The following DGCR2 variants were observed in gnomAD, a reference collection of about 807,000 sequenced individuals.
DGCR2 encodes DiGeorge syndrome critical region gene 2.
DGCR2 carries 24 observed loss-of-function variants against 51.6 expected under a neutral mutation model. That is an observed-to-expected ratio of 0.47 (90% confidence interval 0.34 to 0.65). The LOEUF (loss-of-function observed/expected upper bound fraction) is 0.65, where lower values mean the gene tolerates loss of function less well. Among genes scored for constraint, DGCR2 ranks in the 30% least tolerant of loss-of-function variants. The pLI, the probability that DGCR2 is intolerant of heterozygous loss-of-function variation, is 0.01. For synonymous variants in DGCR2, 340 were observed against 315.4 expected, an observed-to-expected ratio of 1.08 and a Z score of -0.82; for missense variants, 765 against 772.1, an observed-to-expected ratio of 0.99 and a Z score of 0.11.
At chr22:19,062,969 G>C (rs899913404) in intron 5 of DGCR2, among the ~76,000 whole-genome samples, 1 of 152,038 alleles carries the variant, frequency 6.6e-6, no homozygotes, top group Non-Finnish European at 1.5e-5. Flanking sequence ...TAGAAAGCTG[G>C]CCAAAGTGAG....
chr22:19,120,047 AG>A (rs1231631830), intron 1 of DGCR2, among the ~76,000 whole-genome samples: 3 of 152,176 alleles, frequency 2.0e-5, no homozygotes, highest in African/African-American at 7.2e-5. Context: ...CAGCACTCTC[AG>A]GAAGGACACA....
intron 1 of DGCR2, among the ~76,000 whole-genome samples, chr22:19,095,145 C>A (rs2083124527): frequency 6.6e-6 from 1 of 151,886 alleles, no homozygotes; most frequent in African/African-American, 2.4e-5. Context: ...AATGGATCAC[C>A]TGAGGTCGGG....
At chr22:19,090,111 T>C (rs62221748) in intron 1 of DGCR2, among the ~76,000 whole-genome samples, 14,316 of 152,234 alleles carry the variant, frequency 0.094, 745 homozygotes, top group Middle Eastern at 0.15. Context: ...TTAGATTTTG[T>C]AGTAGAAAAG....
At chr22:19,115,952 T>C (rs1021335609) in intron 1 of DGCR2, among the ~76,000 whole-genome samples, 8 of 152,250 alleles carry the variant, frequency 5.3e-5, no homozygotes, top group African/African-American at 7.2e-5. Context: ...ACACTAACAT[T>C]TTGCCTGATG....
At chr22:19,062,557 G>T (rs957337476) in intron 5 of DGCR2, among the ~76,000 whole-genome samples, 8 of 152,254 alleles carry the variant, frequency 5.3e-5, no homozygotes, top group Middle Eastern at 3.4e-3. Flanking sequence ...GACAGGGAAG[G>T]GGCAGGGCAA....
chr22:19,052,423 C>CA (rs2082558298), intron 6 of DGCR2, among the ~76,000 whole-genome samples: 1 of 151,320 alleles, frequency 6.6e-6, no homozygotes, highest in Non-Finnish European at 1.5e-5. Context: ...CTCACACACA[C>CA]ACACACACAC....
At chr22:19,118,748 T>A (rs796071472) in intron 1 of DGCR2, among the ~76,000 whole-genome samples, 1 of 152,232 alleles carries the variant, frequency 6.6e-6, no homozygotes, top group African/African-American at 2.4e-5. Context: ...CTATGTATGG[T>A]GGGTTCAACC....
chr22:19,110,508 T>C (rs1262533556), intron 1 of DGCR2, among the ~76,000 whole-genome samples: 3 of 152,088 alleles, frequency 2.0e-5, no homozygotes, highest in Admixed American at 6.6e-5. Context: ...ACCTAATGCA[T>C]GCGGGGCTTA....
At chr22:19,102,571 G>C (rs943773152) in intron 1 of DGCR2, among the ~76,000 whole-genome samples, 3 of 151,940 alleles carry the variant, frequency 2.0e-5, no homozygotes, top group African/African-American at 7.3e-5. Flanking sequence ...GCATGGTGGC[G>C]GGCACCTGTA....
At chr22:19,050,573 C>T (rs940341141) in intron 6 of DGCR2, among the ~76,000 whole-genome samples, 1 of 152,196 alleles carries the variant, frequency 6.6e-6, no homozygotes, top group Non-Finnish European at 1.5e-5. Flanking sequence ...AGCCTACATG[C>T]ATAGTTTTCC....
chr22:19,080,149 A>G (rs2082920264), intron 2 of DGCR2, among the ~76,000 whole-genome samples: 1 of 152,214 alleles, frequency 6.6e-6, no homozygotes, highest in Non-Finnish European at 1.5e-5. Context: ...GCAGGGCAGA[A>G]GACAGGCCTG....
intron 2 of DGCR2, among the ~76,000 whole-genome samples, chr22:19,085,890 G>T (rs1040554702): frequency 6.6e-6 from 1 of 152,114 alleles, no homozygotes; most frequent in African/African-American, 2.4e-5. Context: ...CTCATACAAA[G>T]GAAGGTCACA....
chr22:19,093,525 A>G (rs1197698520), intron 1 of DGCR2, among the ~76,000 whole-genome samples: 6 of 152,248 alleles, frequency 3.9e-5, no homozygotes, highest in Non-Finnish European at 7.3e-5. Context: ...AAAATTGATA[A>G]ATTGGACTTC....
At chr22:19,090,456 G>T (rs567766076) in intron 1 of DGCR2, among the ~76,000 whole-genome samples, 5 of 152,268 alleles carry the variant, frequency 3.3e-5, no homozygotes, top group African/African-American at 9.6e-5. Context: ...GAAAAACAAA[G>T]ATCTAGATGA....
intron 1 of DGCR2, among the ~76,000 whole-genome samples, chr22:19,100,620 C>T (rs1424359213): frequency 2.0e-5 from 3 of 149,532 alleles, no homozygotes; most frequent in South Asian, 2.1e-4. Context: ...GAGCCAAGAT[C>T]GTGCCACTGC....
At chr22:19,043,973 G>A (rs953152288) in intron 7 of DGCR2, among the ~76,000 whole-genome samples, 8 of 152,344 alleles carry the variant, frequency 5.3e-5, no homozygotes, top group African/African-American at 1.7e-4. Context: ...AGTCTCAAGG[G>A]CACTGTCATC....
intron 6 of DGCR2, 21 bp downstream of exon 6, chr22:19,056,965 C>A: frequency 6.4e-7 from 1 of 1,551,876 alleles, no homozygotes; most frequent in South Asian, 1.2e-5. Context: ...TCCCCAAGAA[C>A]GCCAGCTCAA....
At chr22:19,062,754 TGCGCAC>T (rs1569052584) in intron 5 of DGCR2, among the ~76,000 whole-genome samples, 1 of 137,148 alleles carries the variant, frequency 7.3e-6, no homozygotes, top group Non-Finnish European at 1.7e-5. Context: ...ATAAAATCTT[TGCGCAC>T]ACACACACAT....
intron 5 of DGCR2, 116 bp downstream of exon 5, chr22:19,063,086 T>TCCATGGC: frequency 1.1e-6 from 1 of 934,696 alleles, no homozygotes; most frequent in Admixed American, 2.1e-5. Flanking sequence ...GCTCACCCAC[T>TCCATGGC]CCCTGCACAG....
Sources: gnomAD v4.1 joint callset for allele counts (sites outside exome capture counted in the v4.1 genomes callset) on GRCh38, gnomAD v4.1.1 for gene constraint, MANE v1.5 for transcripts, NCBI Gene and HGNC (gene_info 2026-07-23, HGNC 2026-07-21) for gene names.